The following STAM2 variants were observed in gnomAD, a reference collection of about 807,000 sequenced individuals.
The protein encoded by STAM2 is signal transducing adapter molecule 2.
Under a neutral mutation model 65.6 loss-of-function variants are expected in STAM2, and 51 were observed. The ratio of observed to expected loss-of-function variants is 0.78; its 90% confidence interval spans 0.62 to 0.98. The LOEUF is 0.98. Among genes scored for constraint, STAM2 ranks in the 50% least tolerant of loss-of-function variants. The probability of loss-of-function intolerance (pLI) is 0.00; values close to 1 mark genes in which losing one functional copy is unlikely to be tolerated. For missense variants in STAM2, 584 were observed against 617.8 expected (o/e 0.95, Z 0.58); for synonymous variants, 198 against 208.4 (o/e 0.95, Z 0.43).
intron 6 of STAM2, among the ~76,000 whole-genome samples, chr2:152,144,335 G>A (rs1417909190): frequency 1.3e-5 from 2 of 151,246 alleles, no homozygotes; most frequent in Non-Finnish European, 2.9e-5. Context: ...CATAACTTTG[G>A]CATTAAAAAA....
At chr2:152,164,300 C>T (rs2105565449) in intron 1 of STAM2, among the ~76,000 whole-genome samples, 1 of 152,072 alleles carries the variant, frequency 6.6e-6, no homozygotes, top group East Asian at 1.9e-4. Flanking sequence ...AAATTCAACT[C>T]TCGTTTACAA....
intron 1 of STAM2, among the ~76,000 whole-genome samples, chr2:152,173,375 T>C (rs923900820): frequency 1.0e-5 from 1 of 96,664 alleles, no homozygotes; most frequent in African/African-American, 3.1e-5. Context: ...TATATATACA[T>C]ATATATATAT....
At chr2:152,163,357 A>G (rs2105564539) in intron 1 of STAM2, among the ~76,000 whole-genome samples, 1 of 152,326 alleles carries the variant, frequency 6.6e-6, no homozygotes, top group East Asian at 1.9e-4. Context: ...ATACTCTTAT[A>G]ATTTCTTATG....
intron 1 of STAM2, among the ~76,000 whole-genome samples, chr2:152,166,151 G>A (rs1689781219): frequency 6.6e-6 from 1 of 151,722 alleles, no homozygotes; most frequent in South Asian, 2.1e-4. Context: ...TCCAGGCTGG[G>A]GGGCAGAGCA....
intron 12 of STAM2, 97 bp downstream of exon 12, chr2:152,126,129 C>G (rs1368656695): frequency 2.9e-6 from 3 of 1,026,382 alleles, no homozygotes; most frequent in Admixed American, 3.8e-5. Context: ...ATTTTATTCA[C>G]AGACAAAAGA....
At chr2:152,150,473 T>G (rs999868500) in intron 1 of STAM2, among the ~76,000 whole-genome samples, 1 of 152,210 alleles carries the variant, frequency 6.6e-6, no homozygotes, top group Admixed American at 6.5e-5. Context: ...GTATCAATAA[T>G]CCCATCAAAT....
Position 152,144,031 on chromosome 2 carries a change from A to G in STAM2, c.518-18T>C, listed in dbSNP as rs761853764. 4.4e-6 allele frequency: 7 copies of G among 1,589,214 alleles called. No individual in the cohort carries two copies. The highest frequency in any genetic ancestry group is 1.2e-5 in the South Asian group (1 of 85,912). On this transcript the variant is annotated intron_variant, in intron 6 of 13. Coordinates refer to ENST00000263904, the MANE Select transcript of STAM2 (RefSeq NM_005843.6). The stretch of plus-strand genomic sequence containing the variant: ...TTCAATAGCTAGTTTCAAAAATTAA[A>G]ATGCAAAGAAACTGGAATTAATTTT...
At position 152,120,407 on chromosome 2, in the gene STAM2, A is replaced by C. The variant is rs932842441; in HGVS notation, c.*167T>G. ...AACAAACTGGACTGAAAAAAAAAAA[A>C]AAAAAAAACCTTTTATGGCCTTGTA... On this transcript the variant is annotated 3_prime_UTR_variant, in exon 14 of 14. Transcript: ENST00000263904. 22 of 572,956 alleles carry C rather than the reference A, an allele frequency of 3.8e-5. No homozygotes were observed. The highest frequency in any genetic ancestry group is 9.4e-4 in the Middle Eastern group (2 of 2,132). The allele number at this position is 572,956 out of a possible 1,614,324, so 35.5% of individuals were successfully genotyped here. A position where few individuals can be genotyped will look rare whatever the true frequency, so the allele number is the denominator to read the frequency against.
chr2:152,138,017 C>A (rs1316054508), intron 7 of STAM2, among the ~76,000 whole-genome samples: 1 of 152,052 alleles, frequency 6.6e-6, no homozygotes, highest in Non-Finnish European at 1.5e-5. Flanking sequence ...AGGGAAAATA[C>A]CCTTTCTATG....
chr2:152,151,473 C>T lies in STAM2; in HGVS notation c.41-1244G>A, dbSNP rs568467499. On this transcript the variant is annotated intron_variant, in intron 1 of 13. Coordinates refer to ENST00000263904, the MANE Select transcript of STAM2 (RefSeq NM_005843.6). ...AGGACTGATTACAGACATAAGCCAC[C>T]GCACCCAGCTACATGAGTTTTTTAA... is the stretch of plus-strand genomic sequence containing the variant. 2.6e-5 allele frequency among the ~76,000 whole-genome samples: 4 copies of T among 152,198 alleles called. No individual in the cohort carries two copies. The East Asian group carries it at 5.8e-4, about 22-fold the overall frequency.
At position 152,133,196 on chromosome 2, in the gene STAM2, G is replaced by C; in HGVS notation, c.947C>G (p.Ser316Cys). 1 of 1,596,976 alleles carries C rather than the reference G, an allele frequency of 6.3e-7. No individual in the cohort carries two copies. Among genetic ancestry groups the C allele is most frequent in the African/African-American group, 1.3e-5 (1 of 74,084 alleles). The change falls in exon 10 of 14, where the codon TCC (serine) becomes TGC (cysteine). Residue 316 changes from serine (S) to cysteine (C), a missense_variant. Transcript: ENST00000263904. ...ACCTTCTAAATCCAAAAGGTCTTGG[G>C]AGTCTGGTTTTGAATCTGTTGGATC... ...SIDPTDSKPD[S>C]QDLLDLEDIC...
chr2:152,149,131 A>G (rs1689392209), intron 2 of STAM2, among the ~76,000 whole-genome samples: 1 of 152,134 alleles, frequency 6.6e-6, no homozygotes, highest in Non-Finnish European at 1.5e-5. Context: ...ATTTATATGT[A>G]TATTATTTGA....
intron 1 of STAM2, among the ~76,000 whole-genome samples, chr2:152,172,578 G>T (rs183558605): frequency 3.3e-5 from 5 of 152,188 alleles, no homozygotes; most frequent in East Asian, 3.9e-4. Flanking sequence ...TCAGAGAAGG[G>T]GGGGAGGAGG....
At chr2:152,136,424 T>C (rs1689156074) in intron 7 of STAM2, among the ~76,000 whole-genome samples, 2 of 151,894 alleles carry the variant, frequency 1.3e-5, no homozygotes, top group Non-Finnish European at 1.5e-5. Flanking sequence ...GCCTGGAGGA[T>C]AGAGACTCTG....
At chr2:152,155,308 C>T (rs1488042000) in intron 1 of STAM2, among the ~76,000 whole-genome samples, 3 of 152,214 alleles carry the variant, frequency 2.0e-5, no homozygotes, top group Admixed American at 6.5e-5. Flanking sequence ...AGTACACGAA[C>T]TAAAAGGGCT....
In STAM2 at chr2:152,154,422, C is replaced by T. The variant is rs578197781; in HGVS notation, c.41-4193G>A. Among the ~76,000 whole-genome samples the T allele has an allele frequency of 2.0e-5, 3 of 152,284 alleles. No homozygotes were observed. In the East Asian group the frequency reaches 5.8e-4, roughly 29 times the overall value. On this transcript the variant is annotated intron_variant, in intron 1 of 13. Coordinates refer to ENST00000263904, the MANE Select transcript of STAM2 (RefSeq NM_005843.6). ...AGTTGAGACAGGAGTTCAAGACCAG[C>T]CTGGGCAACATGGTAAAACCCTGTC...
intron 11 of STAM2, among the ~76,000 whole-genome samples, chr2:152,130,377 G>A (rs1211195035): frequency 6.6e-5 from 10 of 151,810 alleles, no homozygotes; most frequent in African/African-American, 1.9e-4. Context: ...TCAGCCTCCC[G>A]AGTAGCTGGG....
At chr2:152,140,810 A>C (rs1270279088) in intron 7 of STAM2, among the ~76,000 whole-genome samples, 1 of 152,190 alleles carries the variant, frequency 6.6e-6, no homozygotes, top group African/African-American at 2.4e-5. Flanking sequence ...CAAGAATTCC[A>C]CTTGATTATT....
intron 1 of STAM2, among the ~76,000 whole-genome samples, chr2:152,157,925 T>C (rs188497464): frequency 1.3e-5 from 2 of 152,256 alleles, no homozygotes; most frequent in East Asian, 1.9e-4. Context: ...ACAATGTAAT[T>C]TAGCCTCCCT....
Sources: allele counts gnomAD v4.1 joint callset (sites outside exome capture counted in the v4.1 genomes callset), GRCh38; gene constraint gnomAD v4.1.1; transcripts MANE v1.5; gene names NCBI Gene and HGNC (gene_info 2026-07-23, HGNC 2026-07-21).